MTHFD2L: variants seen among roughly 807,000 people sequenced by gnomAD.
MTHFD2L encodes bifunctional methylenetetrahydrofolate dehydrogenase/cyclohydrolase 2, mitochondrial.
In MTHFD2L, 29 loss-of-function variants were observed where a neutral mutation model predicts 34.9. The ratio of observed to expected loss-of-function variants is 0.83; its 90% CI spans 0.62 to 1.13. MTHFD2L has a LOEUF of 1.13. Among genes scored for constraint, MTHFD2L ranks in the 50% most tolerant of loss-of-function variants. MTHFD2L has a pLI of 0.00. For synonymous variants in MTHFD2L, 167 were observed against 155.7 expected, an observed-to-expected ratio of 1.07 and a Z score of -0.54; for missense variants, 481 against 446.5, an observed-to-expected ratio of 1.08 and a Z score of -0.70.
chr4:74,202,920 T>C (rs1183810744), intron 5 of MTHFD2L, among the ~76,000 whole-genome samples: 2 of 152,122 alleles, frequency 1.3e-5, no homozygotes, highest in Non-Finnish European at 2.9e-5. Flanking sequence ...TATAGATTTC[T>C]TATTATTAAC....
intron 1 of MTHFD2L, among the ~76,000 whole-genome samples, chr4:74,163,438 T>G (rs1054195376): frequency 6.6e-6 from 1 of 152,228 alleles, no homozygotes; most frequent in Non-Finnish European, 1.5e-5. Flanking sequence ...AAAGTTAGTT[T>G]GAAAACAATG....
intron 7 of MTHFD2L, among the ~76,000 whole-genome samples, chr4:74,282,770 G>A (rs1475749931): frequency 6.6e-6 from 1 of 152,136 alleles, no homozygotes; most frequent in African/African-American, 2.4e-5. Flanking sequence ...CTAATACACA[G>A]GGTCTCTGAC....
At chr4:74,196,856 G>GA (rs1214201960) in intron 3 of MTHFD2L, among the ~76,000 whole-genome samples, 2 of 149,320 alleles carry the variant, frequency 1.3e-5, no homozygotes, top group Non-Finnish European at 3.0e-5. Flanking sequence ...TGAGGCAGAA[G>GA]AATCTACTGA....
rs78630674 is a variant in MTHFD2L at position 74,269,275 on chromosome 4, C to T, written c.806-12150C>T. On this transcript the variant is annotated intron_variant, in intron 6 of 7. Coordinates refer to ENST00000325278, the MANE Select transcript of MTHFD2L (RefSeq NM_001144978.3). ...TTAATTAGCTTGGGGGGAAAAAACA[C>T]AAGTTTTTCTCCATAAGCCTTCTTT... 4.8e-3 allele frequency among the ~76,000 whole-genome samples: 737 copies of T among 152,234 alleles called. 6 individuals are homozygous for T. The highest frequency in any genetic ancestry group is 0.016 in the African/African-American group (660 of 41,550).
chr4:74,280,145 TCA>T (rs997530584), intron 6 of MTHFD2L: 1 of 152,126 alleles, frequency 6.6e-6, no homozygotes, highest in Non-Finnish European at 1.5e-5. Context: ...ATAAAGATGA[TCA>T]CAGAGTCTTT....
chr4:74,266,441 T>C (rs1309622191), intron 6 of MTHFD2L, among the ~76,000 whole-genome samples: 1 of 152,176 alleles, frequency 6.6e-6, no homozygotes, highest in East Asian at 1.9e-4. Context: ...CATCCTTCCA[T>C]CTATTTAATT....
At chr4:74,262,394 G>C (rs1413019840) in intron 6 of MTHFD2L, among the ~76,000 whole-genome samples, 1 of 151,766 alleles carries the variant, frequency 6.6e-6, no homozygotes, top group Non-Finnish European at 1.5e-5. Flanking sequence ...AAACAGAAAA[G>C]CTGGAGGTAT....
At chr4:74,216,895 C>T (rs1737300479) in intron 5 of MTHFD2L, among the ~76,000 whole-genome samples, 1 of 151,864 alleles carries the variant, frequency 6.6e-6, no homozygotes, top group Admixed American at 6.6e-5. Flanking sequence ...TGCATCCACC[C>T]TTGTCCCATC....
At chr4:74,246,260 G>T (rs1742432496) in intron 6 of MTHFD2L, among the ~76,000 whole-genome samples, 1 of 151,716 alleles carries the variant, frequency 6.6e-6, no homozygotes, top group African/African-American at 2.4e-5. Context: ...GTGTCTTTTG[G>T]CTGCATAAAT....
chr4:74,176,932 A>G (rs1368064005), intron 3 of MTHFD2L, among the ~76,000 whole-genome samples: 1 of 151,980 alleles, frequency 6.6e-6, no homozygotes, highest in Admixed American at 6.6e-5. Context: ...CAGCAATATA[A>G]TGTAATATCT....
At chr4:74,147,305 C>T (rs886585752) in intron 1 of MTHFD2L, among the ~76,000 whole-genome samples, 1 of 152,120 alleles carries the variant, frequency 6.6e-6, no homozygotes, top group Non-Finnish European at 1.5e-5. Flanking sequence ...CCAGGTTCCC[C>T]TTGGCTCTAA....
chr4:74,204,988 AAGT>A (rs1366363604), intron 5 of MTHFD2L, among the ~76,000 whole-genome samples: 3 of 152,176 alleles, frequency 2.0e-5, no homozygotes, highest in African/African-American at 7.2e-5. Context: ...AATGGAATAA[AAGT>A]AGAATAAGTT....
chr4:74,192,138 A>AC (rs1424122554), intron 3 of MTHFD2L, among the ~76,000 whole-genome samples: 2 of 152,114 alleles, frequency 1.3e-5, no homozygotes, highest in Non-Finnish European at 2.9e-5. Flanking sequence ...AATATATATA[A>AC]TAAATAAACA....
At chr4:74,233,078 G>T (rs1740322619) in intron 6 of MTHFD2L, among the ~76,000 whole-genome samples, 1 of 152,110 alleles carries the variant, frequency 6.6e-6, no homozygotes, top group East Asian at 1.9e-4. Context: ...TAAGCTTGGT[G>T]TATAATAAAG....
chr4:74,236,901 T>C (rs1003597088), intron 6 of MTHFD2L, among the ~76,000 whole-genome samples: 1 of 152,318 alleles, frequency 6.6e-6, no homozygotes, highest in Non-Finnish European at 1.5e-5. Flanking sequence ...TATCTCTTTT[T>C]AGGTTTTTTT....
chr4:74,287,376 A>AT (rs1334436343), intron 7 of MTHFD2L, among the ~76,000 whole-genome samples: 2 of 152,080 alleles, frequency 1.3e-5, no homozygotes, highest in South Asian at 2.1e-4. Context: ...GGTTGTTTCC[A>AT]TTTTTTCCTT....
chr4:74,150,521 T>G (rs1383366076), intron 1 of MTHFD2L, among the ~76,000 whole-genome samples: 1 of 152,252 alleles, frequency 6.6e-6, no homozygotes, highest in Non-Finnish European at 1.5e-5. Flanking sequence ...CCCAAAGTCC[T>G]GGGATTACAG....
At chr4:74,204,623 A>C (rs1734988062) in intron 5 of MTHFD2L, among the ~76,000 whole-genome samples, 1 of 152,216 alleles carries the variant, frequency 6.6e-6, no homozygotes, top group African/African-American at 2.4e-5. Flanking sequence ...AGTACTTTAC[A>C]ATATATTTTT....
upstream of MTHFD2L, among the ~76,000 whole-genome samples, chr4:74,121,964 C>G (rs1001058058): frequency 3.9e-5 from 6 of 151,956 alleles, no homozygotes; most frequent in African/African-American, 1.5e-4. Context: ...CCTGTTGAAA[C>G]CTTGATCTTG....
Sources: allele counts gnomAD v4.1 joint callset (sites outside exome capture counted in the v4.1 genomes callset), GRCh38; gene constraint gnomAD v4.1.1; transcripts MANE v1.5; gene names NCBI Gene and HGNC (gene_info 2026-07-23, HGNC 2026-07-21).